The following PCDHGA5 variants were observed in gnomAD, a reference collection of about 807,000 sequenced individuals.
The protein encoded by PCDHGA5 is protocadherin gamma-A5.
A neutral mutation model predicts 56.7 loss-of-function variants in PCDHGA5; 36 were observed. That is an observed-to-expected ratio of 0.64 (90% confidence interval 0.49 to 0.84). PCDHGA5 has a LOEUF of 0.84. Ranked by LOEUF, PCDHGA5 falls within the 40% of genes least tolerant of loss-of-function variation. The probability of loss-of-function intolerance (pLI) is 0.00; values close to 1 mark genes in which losing one functional copy is unlikely to be tolerated. For synonymous variants in PCDHGA5, 563 were observed against 520.2 expected, an observed-to-expected ratio of 1.08 and a Z score of -1.12; for missense variants, 1,305 against 1,201.5, an observed-to-expected ratio of 1.09 and a Z score of -1.27.
intron 3 of PCDHGA5, among the ~76,000 whole-genome samples, chr5:141,509,766 G>A (rs1176830940): frequency 6.6e-6 from 1 of 152,104 alleles, no homozygotes; most frequent in Non-Finnish European, 1.5e-5. Flanking sequence ...TCCCTGAGAT[G>A]TCTAGTCCCC....
chr5:141,387,766 T>G, intron 1 of PCDHGA5: 1 of 1,434,120 alleles, frequency 7.0e-7, no homozygotes, highest in Non-Finnish European at 9.3e-7. Context: ...AAAGAAGAAT[T>G]TTTTCTTGAA....
At chr5:141,384,734 G>T (rs1780422653) in intron 1 of PCDHGA5, 1 of 1,613,988 alleles carries the variant, frequency 6.2e-7, no homozygotes. Flanking sequence ...CTTAAGGCCA[G>T]CGAGCCAGGA....
At chr5:141,482,602 C>T (rs2099569087) in intron 1 of PCDHGA5, among the ~76,000 whole-genome samples, 1 of 142,506 alleles carries the variant, frequency 7.0e-6, no homozygotes, top group Non-Finnish European at 1.5e-5. Flanking sequence ...CGGGAAAAAA[C>T]ACCTAAATGA....
At chr5:141,505,239 G>A (rs2099844708) in intron 2 of PCDHGA5, 154 bp from the exon 3 acceptor site, 1 of 886,092 alleles carries the variant, frequency 1.1e-6, no homozygotes, top group Middle Eastern at 5.9e-4. Context: ...GCTTCTGAAG[G>A]ATTGTAGAAG....
intron 1 of PCDHGA5, chr5:141,419,630 G>A (rs1484627772): frequency 6.2e-7 from 1 of 1,612,430 alleles, no homozygotes; most frequent in South Asian, 1.1e-5. Context: ...GGTGACCAAG[G>A]TGGTGGCCGT....
Position 141,487,059 on chromosome 5 carries a change from G to A in PCDHGA5, c.2422-7748G>A, listed in dbSNP as rs760836605. 1.7e-5 allele frequency: 27 copies of A among 1,613,952 alleles called. No homozygotes were observed. Among genetic ancestry groups the A allele is most frequent in the Non-Finnish European group, 2.0e-5 (24 of 1,179,994 alleles). On this transcript the variant is annotated intron_variant, in intron 1 of 3. Transcript: ENST00000518069. This position sits in a 1 kb window ranked among gnomAD's most constrained non-coding sequence, Gnocchi z 5.0. ...GTCTCTCGATATGCTGGGGAGGTGC[G>A]GACGGCTGTTCCTATCCCAGCTGAC...
At chr5:141,405,966 C>T (rs1226823491) in intron 1 of PCDHGA5, among the ~76,000 whole-genome samples, 3 of 151,986 alleles carry the variant, frequency 2.0e-5, no homozygotes, top group South Asian at 4.1e-4. Flanking sequence ...CTGCTGTCAA[C>T]GTAAACCATA....
intron 1 of PCDHGA5, chr5:141,389,237 A>G (rs758770216): frequency 3.1e-6 from 5 of 1,612,662 alleles, no homozygotes; most frequent in Non-Finnish European, 4.2e-6. Flanking sequence ...CGGTTTTCTC[A>G]CAGTCTTCCT....
At position 141,490,460 on chromosome 5, in the gene PCDHGA5, TA is replaced by T. The variant is rs1393913480; in HGVS notation, c.2422-4345del. 1.2e-6 allele frequency: 2 copies of T among 1,614,094 alleles called. No individual in the cohort carries two copies. The highest frequency in any genetic ancestry group is 1.7e-6 in the Non-Finnish European group (2 of 1,180,048). On this transcript the variant is annotated intron_variant, in intron 1 of 3. Coordinates refer to ENST00000518069, the MANE Select transcript of PCDHGA5 (RefSeq NM_018918.3). The surrounding 1 kb of genome is among the most constrained non-coding windows in gnomAD (Gnocchi z 5.4). ...CCTTCTGAGAACCACTACTCGCTGC[TA>T]ACCAGCCAGCCTTTGGACCGGGAGG... is the stretch of plus-strand genomic sequence containing the variant.
chr5:141,389,494 C>T (rs1300548775), intron 1 of PCDHGA5: 2 of 1,613,058 alleles, frequency 1.2e-6, no homozygotes, highest in East Asian at 2.2e-5. Context: ...GACCAGGGCT[C>T]GCCAGCGCTC....
intron 2 of PCDHGA5, among the ~76,000 whole-genome samples, chr5:141,498,971 G>GGAA (rs2099787559): frequency 9.0e-6 from 1 of 110,972 alleles, no homozygotes; most frequent in African/African-American, 3.6e-5. Flanking sequence ...GAGGGAGGGA[G>GGAA]GGAAGGAAGG....
chr5:141,388,971 C>T (rs2091561776), intron 1 of PCDHGA5: 2 of 1,613,890 alleles, frequency 1.2e-6, no homozygotes, highest in South Asian at 2.2e-5. Flanking sequence ...GCTGGGAACA[C>T]ATATTGCTTT....
chr5:141,506,935 G>A (rs1375246477), intron 3 of PCDHGA5, among the ~76,000 whole-genome samples: 3 of 152,116 alleles, frequency 2.0e-5, no homozygotes, highest in African/African-American at 7.2e-5. Context: ...AACTTTAGGG[G>A]CCTCCTGTCA....
chr5:141,366,257 G>C lies in PCDHGA5; in HGVS notation c.1927G>C (p.Val643Leu), dbSNP rs1420756511. ...LDRDALKQSL[V>L]VAVEDHGQPP... ...CAGAGACGCGCTCAAGCAGAGCCTCGTGGTGGCCGTCGAAGACCATGGCCA... is the reference window on the plus strand; with the variant it reads ...CAGAGACGCGCTCAAGCAGAGCCTCCTGGTGGCCGTCGAAGACCATGGCCA... The change falls in exon 1 of 4, where the codon GTG becomes CTG. Residue 643 changes from valine (V) to leucine (L), a missense_variant. Val to Leu is a conservative substitution (Grantham distance 32, BLOSUM62 1). Coordinates refer to ENST00000518069, the MANE Select transcript of PCDHGA5 (RefSeq NM_018918.3). 6.2e-7 allele frequency: 1 copy of C among 1,613,694 alleles called. No homozygotes were observed. The highest frequency in any genetic ancestry group is 8.5e-7 in the Non-Finnish European group (1 of 1,180,016).
chr5:141,432,173 G>C lies in PCDHGA5; in HGVS notation c.2422-62634G>C, dbSNP rs771177256. On this transcript the variant is annotated intron_variant, in intron 1 of 3. Transcript: ENST00000518069. This position sits in a 1 kb window ranked among gnomAD's most constrained non-coding sequence, Gnocchi z 6.0. ...GAACAATCCCAGAGGAGTTTCCCTC[G>C]TCTCTGTGACCGCCCACGACCCCGA... The C allele has an allele frequency of 3.1e-6, 5 of 1,614,054 alleles. No homozygotes were observed. Among genetic ancestry groups the C allele is most frequent in the South Asian group, 1.1e-5 (1 of 91,054 alleles).
chr5:141,436,048 T>G (rs553708148), intron 1 of PCDHGA5, among the ~76,000 whole-genome samples: 1 of 152,316 alleles, frequency 6.6e-6, no homozygotes, highest in South Asian at 2.1e-4. Context: ...TACATTAGTT[T>G]TCAAATAGAA....
chr5:141,442,317 A>T (rs1257883989), intron 1 of PCDHGA5: 2 of 152,400 alleles, frequency 1.3e-5, no homozygotes, highest in Admixed American at 6.5e-5. Context: ...ACGGATGTCT[A>T]TCCCGCGCTA....
chr5:141,408,738 C>T, intron 1 of PCDHGA5: 2 of 1,609,632 alleles, frequency 1.2e-6, no homozygotes, highest in Non-Finnish European at 1.7e-6. Flanking sequence ...CCTTATTTTT[C>T]ATTAATGGTT....
At chr5:141,492,382 T>C (rs71583650) in intron 1 of PCDHGA5, among the ~76,000 whole-genome samples, 2,103 of 152,322 alleles carry the variant, frequency 0.014, 36 homozygotes, top group African/African-American at 0.031. Flanking sequence ...ACAGGCCTGT[T>C]CCGGTCCACT....
Sources: allele counts gnomAD v4.1 joint callset (sites outside exome capture counted in the v4.1 genomes callset), GRCh38; gene constraint gnomAD v4.1.1; non-coding constraint Gnocchi (gnomAD v3.1); transcripts MANE v1.5; gene names NCBI Gene and HGNC (gene_info 2026-07-23, HGNC 2026-07-21).